Variants in DLGAP3 observed in about 807,000 individuals in gnomAD.
The protein encoded by DLGAP3 is disks large-associated protein 3.
Under a neutral mutation model 81.2 loss-of-function variants are expected in DLGAP3, and 17 were observed. The observed-to-expected ratio is 0.21, with a 90% confidence interval of 0.14 to 0.31. The LOEUF is 0.31. Ranked by LOEUF, DLGAP3 falls within the 10% of genes least tolerant of loss-of-function variation. The pLI is 1.00. For synonymous variants in DLGAP3, 577 were observed against 587.4 expected, an observed-to-expected ratio of 0.98 and a Z score of 0.26; for missense variants, 1,124 against 1,388.0, an observed-to-expected ratio of 0.81 and a Z score of 3.02.
At chr1:34,874,470 A>G (rs937312733) in intron 8 of DLGAP3, among the ~76,000 whole-genome samples, 10 of 152,262 alleles carry the variant, frequency 6.6e-5, no homozygotes, top group African/African-American at 2.4e-4. Context: ...CTGTCAGCAC[A>G]GGATAAAAAC....
At chr1:34,892,762 T>C (rs1054063410) in intron 5 of DLGAP3, among the ~76,000 whole-genome samples, 1 of 152,160 alleles carries the variant, frequency 6.6e-6, no homozygotes, top group Non-Finnish European at 1.5e-5. Context: ...CACTAAGAGA[T>C]CTATATTCAC....
At chr1:34,884,747 C>T (rs750431351) in intron 8 of DLGAP3, among the ~76,000 whole-genome samples, 17 of 152,190 alleles carry the variant, frequency 1.1e-4, no homozygotes, top group Non-Finnish European at 1.6e-4. Context: ...TCCCGTCTGC[C>T]TCTGAGCACC....
chr1:34,882,622 G>C (rs974559056), intron 8 of DLGAP3, among the ~76,000 whole-genome samples: 2 of 152,134 alleles, frequency 1.3e-5, no homozygotes, highest in African/African-American at 2.4e-5. Flanking sequence ...CTTTCTTCTG[G>C]ATCATGAAAA....
In DLGAP3 at chr1:34,904,497, T is replaced by C. The variant is rs763738164; in HGVS notation, c.887A>G (p.Tyr296Cys). ...PFCLEGPDGS[Y>C]RDLSFKGRSG... ...GCGCCCCTTGAAGCTCAAGTCCCGG[T>C]AGGACCCATCTGGACCCTCCAGGCA... The change falls in exon 3 of 12, where the codon TAC becomes TGC. Residue 296 changes from tyrosine (Y) to cysteine (C), a missense_variant. Tyr to Cys is a radical substitution (Grantham distance 194). This residue lies in a region of DLGAP3 where 357 missense variants were observed against 408.8 expected (regional missense o/e 0.87). Coordinates refer to ENST00000373347, the MANE Select transcript of DLGAP3 (RefSeq NM_001080418.3). This position sits in a 1 kb window ranked among gnomAD's most constrained non-coding sequence, Gnocchi z 8.1. 5 of 1,614,150 alleles carry C rather than the reference T, an allele frequency of 3.1e-6. No homozygotes were observed. The highest frequency in any genetic ancestry group is 4.2e-6 in the Non-Finnish European group (5 of 1,180,008).
At chr1:34,914,446 AGAACTCCTCTAGGACCC>A (rs1250368569) in intron 1 of DLGAP3, among the ~76,000 whole-genome samples, 1 of 152,180 alleles carries the variant, frequency 6.6e-6, no homozygotes, top group African/African-American at 2.4e-5. Context: ...TTCTAGGACC[AGAACTCCTCTAGGACCC>A]GAACTCCTCT....
chr1:34,900,330 G>A lies in DLGAP3; in HGVS notation c.1108-57C>T. On this transcript the variant is annotated intron_variant, in intron 3 of 11. Coordinates refer to ENST00000373347, the MANE Select transcript of DLGAP3 (RefSeq NM_001080418.3). The surrounding 1 kb of genome is among the most constrained non-coding windows in gnomAD (Gnocchi z 5.6). Reference sequence around the variant, plus strand: ...ATGACCCTAGTAAATCTAGAGGCCAGGACTCTTTCCCCACTGCCAGTGGGA... The same window carrying A: ...ATGACCCTAGTAAATCTAGAGGCCAAGACTCTTTCCCCACTGCCAGTGGGA... 6.4e-7 allele frequency: 1 copy of A among 1,569,358 alleles called. No individual in the cohort carries two copies. The highest frequency in any genetic ancestry group is 8.7e-7 in the Non-Finnish European group (1 of 1,144,258).
At chr1:34,920,579 C>T (rs1178488330) in intron 1 of DLGAP3, among the ~76,000 whole-genome samples, 1 of 152,162 alleles carries the variant, frequency 6.6e-6, no homozygotes, top group East Asian at 1.9e-4. Context: ...TTTTTCTCCA[C>T]TCCCACTGCT....
At chr1:34,907,664 T>G (rs879259841) in intron 1 of DLGAP3, among the ~76,000 whole-genome samples, 17 of 152,202 alleles carry the variant, frequency 1.1e-4, no homozygotes, top group Non-Finnish European at 4.4e-5. Context: ...CAACTGCAGG[T>G]GTCTGTGGGA....
chr1:34,879,116 T>G (rs960579797), intron 8 of DLGAP3, among the ~76,000 whole-genome samples: 6 of 149,424 alleles, frequency 4.0e-5, no homozygotes, highest in Non-Finnish European at 8.9e-5. Context: ...CGGGGGGGCA[T>G]AGTAGGGGAT....
chr1:34,887,684 T>C (rs1435283867), intron 5 of DLGAP3, among the ~76,000 whole-genome samples: 3 of 152,072 alleles, frequency 2.0e-5, no homozygotes, highest in Non-Finnish European at 4.4e-5. Flanking sequence ...CATCAGGGAG[T>C]ATAGCCTCAG....
In DLGAP3 at chr1:34,895,663, T is replaced by C. The variant is rs1639370006; in HGVS notation, c.1386+4006A>G. Among the ~76,000 whole-genome samples, 1 of 152,100 alleles carries C rather than the reference T, an allele frequency of 6.6e-6. No homozygotes were observed. The highest frequency in any genetic ancestry group is 2.1e-4 in the South Asian group (1 of 4,828). ...GTAACAAAATTGTATAATTTCAGCT[T>C]ACCAAAATCAATCCTTACCACACAG... is the stretch of plus-strand genomic sequence containing the variant. On this transcript the variant is annotated intron_variant, in intron 5 of 11. Transcript: ENST00000373347. The surrounding 1 kb of genome is among the most constrained non-coding windows in gnomAD (Gnocchi z 4.5).
intron 5 of DLGAP3, among the ~76,000 whole-genome samples, chr1:34,886,929 C>T (rs991329635): frequency 6.8e-6 from 1 of 147,374 alleles, no homozygotes. Context: ...GTGTCCCAAG[C>T]CTTCCCCCAC....
chr1:34,871,437 C>T (rs952193969), intron 8 of DLGAP3, among the ~76,000 whole-genome samples: 1 of 152,222 alleles, frequency 6.6e-6, no homozygotes, highest in African/African-American at 2.4e-5. Context: ...GAGTACCACA[C>T]CTCCCTCAGC....
chr1:34,867,025 G>C lies in DLGAP3; in HGVS notation c.2721+23C>G. The C allele has an allele frequency of 6.2e-7, 1 of 1,613,904 alleles. No homozygotes were observed. Among genetic ancestry groups the C allele is most frequent in the East Asian group, 2.2e-5 (1 of 44,874 alleles). ...GAATTTCCCAGAGTCTGGCCTCTTTGCCTGAAGGCACCCCAGCCCCACCTT... is the reference window on the plus strand; with the variant it reads ...GAATTTCCCAGAGTCTGGCCTCTTTCCCTGAAGGCACCCCAGCCCCACCTT... On this transcript the variant is annotated intron_variant, in intron 11 of 11. Transcript: ENST00000373347. The surrounding 1 kb of genome is among the most constrained non-coding windows in gnomAD (Gnocchi z 4.3).
chr1:34,876,580 G>A (rs1639062317), intron 8 of DLGAP3, among the ~76,000 whole-genome samples: 2 of 152,286 alleles, frequency 1.3e-5, no homozygotes, highest in South Asian at 2.1e-4. Flanking sequence ...AGGGACATAA[G>A]GGACAGAAAG....
At chr1:34,875,325 G>C (rs1298120586) in intron 8 of DLGAP3, among the ~76,000 whole-genome samples, 1 of 152,096 alleles carries the variant, frequency 6.6e-6, no homozygotes, top group African/African-American at 2.4e-5. Flanking sequence ...GTATGAGTAG[G>C]GTTGTCAGAT....
In DLGAP3 at chr1:34,885,501, A is replaced by C. The variant is rs1161058968; in HGVS notation, c.1891T>G (p.Trp631Gly). The C allele has an allele frequency of 1.2e-6, 2 of 1,608,682 alleles. No individual in the cohort carries two copies. Among genetic ancestry groups the C allele is most frequent in the Non-Finnish European group, 1.7e-6 (2 of 1,179,802 alleles). ...ELRSLARQRK[W>G]RPSIGVQVET... Reference sequence around the variant, plus strand: ...ACCTGCACCCCAATGGACGGCCGCCACTTCCGCTGCCGCGCCAGGCTCCGC... The same window carrying C: ...ACCTGCACCCCAATGGACGGCCGCCCCTTCCGCTGCCGCGCCAGGCTCCGC... The change falls in exon 7 of 12, where the codon TGG becomes GGG. Residue 631 changes from tryptophan to glycine, a missense_variant. Physicochemically the swap from Trp to Gly is radical, Grantham distance 184. Coordinates refer to ENST00000373347, the MANE Select transcript of DLGAP3 (RefSeq NM_001080418.3).
chr1:34,926,794 T>C (rs1639879063), intron 1 of DLGAP3, among the ~76,000 whole-genome samples: 1 of 152,154 alleles, frequency 6.6e-6, no homozygotes, highest in Non-Finnish European at 1.5e-5. Flanking sequence ...GAAGATTTCA[T>C]TAGAAAGGGT....
rs1638907178 is a variant in DLGAP3 at position 34,867,660 on chromosome 1, T to G, written c.2486-33A>C. ...GCAGAAGGAAATTCAGGGAGGGAAA[T>G]GATGCATCTCCTTCCCCAGCCTCCA... On this transcript the variant is annotated intron_variant, in intron 9 of 11. Transcript: ENST00000373347. The surrounding 1 kb of genome is among the most constrained non-coding windows in gnomAD (Gnocchi z 4.3). 6.5e-7 allele frequency: 1 copy of G among 1,542,684 alleles called. No individual in the cohort carries two copies. The highest frequency in any genetic ancestry group is 2.2e-5 in the East Asian group (1 of 44,586).
Sources: gnomAD v4.1 joint callset for allele counts (sites outside exome capture counted in the v4.1 genomes callset) on GRCh38, gnomAD v4.1.1 for gene constraint, gnomAD v4.1.1 regional missense constraint, Gnocchi (gnomAD v3.1) non-coding constraint, MANE v1.5 for transcripts, NCBI Gene and HGNC (gene_info 2026-07-23, HGNC 2026-07-21) for gene names.